ASTN1: variants seen among roughly 807,000 people sequenced by gnomAD.
ASTN1 encodes astrotactin-1.
In ASTN1, 41 loss-of-function variants were observed where a neutral mutation model predicts 140.7. The ratio of observed to expected loss-of-function variants is 0.29; its 90% confidence interval spans 0.23 to 0.38. ASTN1 has a LOEUF of 0.38. Among genes scored for constraint, ASTN1 ranks in the 10% least tolerant of loss-of-function variants. The pLI, the probability that ASTN1 is intolerant of heterozygous loss-of-function variation, is 1.00. For synonymous variants in ASTN1, 640 were observed against 652.2 expected (o/e 0.98, Z 0.29); for missense variants, 1,479 against 1,678.8 (o/e 0.88, Z 2.08).
chr1:176,896,085 C>G (rs1189961029), intron 16 of ASTN1, among the ~76,000 whole-genome samples: 1 of 152,128 alleles, frequency 6.6e-6, no homozygotes, highest in Non-Finnish European at 1.5e-5. Context: ...AGAGTTCTCT[C>G]TTATGGGGTC....
intron 3 of ASTN1, 130 bp downstream of exon 3, chr1:177,032,326 A>G (rs927272461): frequency 1.6e-6 from 2 of 1,265,254 alleles, no homozygotes; most frequent in South Asian, 1.4e-5. Context: ...ATTCTTGCCT[A>G]TCTAGGGAAG....
At chr1:176,887,960 ATT>A in intron 18 of ASTN1, 109 bp downstream of exon 18, 1 of 1,440,548 alleles carries the variant, frequency 6.9e-7, no homozygotes, top group South Asian at 1.3e-5. Flanking sequence ...AAAGGCAGGT[ATT>A]GTGTCATATT....
At chr1:177,038,492 G>A (rs1676830127) in intron 2 of ASTN1, among the ~76,000 whole-genome samples, 1 of 151,908 alleles carries the variant, frequency 6.6e-6, no homozygotes, top group Non-Finnish European at 1.5e-5. Context: ...AAGGAAAGAA[G>A]GAAGGGAAGG....
chr1:177,095,026 G>C (rs1002985591), intron 1 of ASTN1, among the ~76,000 whole-genome samples: 3 of 152,206 alleles, frequency 2.0e-5, no homozygotes, highest in Non-Finnish European at 4.4e-5. Flanking sequence ...CGAAGAACTT[G>C]GCTTAATTGT....
In ASTN1 at chr1:176,894,569, G is replaced by T; in HGVS notation, c.2933C>A (p.Thr978Asn). The T allele has an allele frequency of 2.5e-6, 4 of 1,613,968 alleles. No homozygotes were observed. The highest frequency in any genetic ancestry group is 3.4e-6 in the Non-Finnish European group (4 of 1,180,014). The change falls in exon 17 of 23, where the codon ACC (threonine) becomes AAC (asparagine). Residue 978 changes from threonine (T) to asparagine (N), a missense_variant. Around this residue, in one of 3 missense-constraint regions of ASTN1, gnomAD observed 746 missense variants for 800.9 expected, o/e 0.93. Coordinates refer to ENST00000361833, the MANE Select transcript of ASTN1 (RefSeq NM_004319.3). ...PIYELVTNNQTQRLLQEATMS... is the reference protein window; with the variant it reads ...PIYELVTNNQNQRLLQEATMS... ...GAGTCCCAGGCCTCTTACCCTCTGG[G>T]TCTGGTTGTTGGTCACTAGTTCATA...
intron 1 of ASTN1, among the ~76,000 whole-genome samples, chr1:177,069,238 G>T (rs767406391): frequency 6.6e-6 from 1 of 152,136 alleles, no homozygotes; most frequent in Non-Finnish European, 1.5e-5. Flanking sequence ...AATTTTCAAT[G>T]AATTATTAAC....
intron 7 of ASTN1, among the ~76,000 whole-genome samples, chr1:177,021,467 G>A (rs901911754): frequency 6.6e-6 from 1 of 152,164 alleles, no homozygotes; most frequent in African/African-American, 2.4e-5. Flanking sequence ...AGTTTTGAAT[G>A]ACAACTATGT....
intron 8 of ASTN1, among the ~76,000 whole-genome samples, chr1:176,982,924 G>T (rs968212129): frequency 1.3e-5 from 2 of 152,138 alleles, no homozygotes; most frequent in African/African-American, 4.8e-5. Context: ...AAGGAATAGA[G>T]GGATGGAAAA....
chr1:177,052,664 GTCT>G (rs747678867), intron 2 of ASTN1, among the ~76,000 whole-genome samples: 1 of 152,138 alleles, frequency 6.6e-6, no homozygotes, highest in Non-Finnish European at 1.5e-5. Flanking sequence ...GCAATATTTG[GTCT>G]TCTTGCCCGA....
chr1:177,101,472 T>C (rs1680296431), intron 1 of ASTN1, among the ~76,000 whole-genome samples: 2 of 152,222 alleles, frequency 1.3e-5, no homozygotes, highest in African/African-American at 4.8e-5. Flanking sequence ...GTTTGCTTTG[T>C]AAGGTAGCTT....
chr1:177,137,794 C>G (rs1367438617), intron 1 of ASTN1, among the ~76,000 whole-genome samples: 1 of 152,146 alleles, frequency 6.6e-6, no homozygotes, highest in Non-Finnish European at 1.5e-5. Flanking sequence ...TGCCACTCTG[C>G]CTGTTGTGAT....
intron 1 of ASTN1, among the ~76,000 whole-genome samples, chr1:177,146,777 T>G (rs1322767555): frequency 1.3e-5 from 2 of 152,206 alleles, no homozygotes; most frequent in Non-Finnish European, 2.9e-5. Flanking sequence ...TCAAAAAAAT[T>G]TCAGCCAAAT....
chr1:176,975,298 G>C (rs4415524), intron 8 of ASTN1, among the ~76,000 whole-genome samples: 6,229 of 152,282 alleles, frequency 0.041, 428 homozygotes, highest in African/African-American at 0.14. Context: ...AAGTGGCAAG[G>C]GTGAACAAGG....
chr1:177,117,557 T>C (rs1463078167), intron 1 of ASTN1, among the ~76,000 whole-genome samples: 3 of 152,146 alleles, frequency 2.0e-5, no homozygotes, highest in Non-Finnish European at 2.9e-5. Context: ...CAGTGAACGA[T>C]AAACATAATT....
chr1:176,918,008 T>C (rs1670563422), intron 16 of ASTN1, among the ~76,000 whole-genome samples: 2 of 152,304 alleles, frequency 1.3e-5, no homozygotes, highest in East Asian at 1.9e-4. Flanking sequence ...TACTTTATTA[T>C]TCTCTAAGTG....
At chr1:177,103,791 T>G (rs1034634354) in intron 1 of ASTN1, among the ~76,000 whole-genome samples, 1 of 151,984 alleles carries the variant, frequency 6.6e-6, no homozygotes, top group Non-Finnish European at 1.5e-5. Context: ...TTTAAAGAAA[T>G]GAGGGTTAAA....
chr1:176,963,602 A>G (rs1168667943), intron 9 of ASTN1, among the ~76,000 whole-genome samples: 1 of 152,210 alleles, frequency 6.6e-6, no homozygotes, highest in East Asian at 1.9e-4. Flanking sequence ...AAAAGAACAT[A>G]AATGGTGCTT....
chr1:177,018,637 G>A (rs1675676527), intron 7 of ASTN1, among the ~76,000 whole-genome samples: 1 of 152,142 alleles, frequency 6.6e-6, no homozygotes, highest in African/African-American at 2.4e-5. Context: ...GGCAATGAGG[G>A]GTCTGTGGCC....
intron 2 of ASTN1, among the ~76,000 whole-genome samples, chr1:177,050,521 G>T (rs1677485153): frequency 6.6e-6 from 1 of 152,146 alleles, no homozygotes; most frequent in African/African-American, 2.4e-5. Context: ...GGTATCATCA[G>T]GAGAGAAATC....
Sources: gnomAD v4.1 joint callset for allele counts (sites outside exome capture counted in the v4.1 genomes callset) on GRCh38, gnomAD v4.1.1 for gene constraint, gnomAD v4.1.1 regional missense constraint, MANE v1.5 for transcripts, NCBI Gene and HGNC (gene_info 2026-07-23, HGNC 2026-07-21) for gene names.